The following SDK1 variants were observed in gnomAD, a reference collection of about 807,000 sequenced individuals.
The protein encoded by SDK1 is protein sidekick-1.
In SDK1, 157 loss-of-function variants were observed where a neutral mutation model predicts 245.5. That is an observed-to-expected ratio of 0.64 (90% confidence interval 0.56 to 0.73). SDK1 has a LOEUF of 0.73. SDK1 is among the 30% of genes least tolerant of loss of function. The pLI is 0.00. For synonymous variants in SDK1, 1,647 were observed against 1,278.5 expected, an observed-to-expected ratio of 1.29 and a Z score of -6.15; for missense variants, 3,583 against 3,002.3, an observed-to-expected ratio of 1.19 and a Z score of -4.52.
intron 1 of SDK1, among the ~76,000 whole-genome samples, chr7:3,438,849 A>ATTTTTTT (rs527596036): frequency 1.5e-5 from 2 of 131,200 alleles, no homozygotes; most frequent in African/African-American, 3.1e-5. Context: ...TTGTATTAAT[A>ATTTTTTT]TTTTTTTTTT....
intron 4 of SDK1, among the ~76,000 whole-genome samples, chr7:3,756,524 A>G (rs1779938406): frequency 6.6e-6 from 1 of 150,974 alleles, no homozygotes; most frequent in Admixed American, 6.6e-5. Flanking sequence ...GTGTCATTGC[A>G]TGTGTGTCAA....
At chr7:3,970,560 A>C (rs1782415227) in intron 11 of SDK1, among the ~76,000 whole-genome samples, 1 of 152,230 alleles carries the variant, frequency 6.6e-6, no homozygotes, top group Admixed American at 6.5e-5. Flanking sequence ...CTTGAGCAGT[A>C]GGATATTAAA....
intron 14 of SDK1, among the ~76,000 whole-genome samples, chr7:4,004,603 C>A (rs567721085): frequency 8.5e-4 from 129 of 152,246 alleles, no homozygotes; most frequent in African/African-American, 2.9e-3. Flanking sequence ...TAAATACACA[C>A]AAAAATATAG....
chr7:3,596,934 A>G lies in SDK1; in HGVS notation c.299-22146A>G, dbSNP rs1262460725. 2.0e-5 allele frequency among the ~76,000 whole-genome samples: 3 copies of G among 152,186 alleles called. No homozygotes were observed. In the East Asian group the frequency reaches 5.8e-4, roughly 29 times the overall value. On this transcript the variant is annotated intron_variant, in intron 1 of 44. Coordinates refer to ENST00000404826, the MANE Select transcript of SDK1 (RefSeq NM_152744.4). ...CTTAGCGTCTGCCTTACTTGAACACAGTTTGAACACTGGCCGCCTGTGATT... is the reference window on the plus strand; with the variant it reads ...CTTAGCGTCTGCCTTACTTGAACACGGTTTGAACACTGGCCGCCTGTGATT...
At chr7:3,929,342 T>G (rs573036014) in intron 5 of SDK1, among the ~76,000 whole-genome samples, 7 of 152,388 alleles carry the variant, frequency 4.6e-5, no homozygotes, top group African/African-American at 1.7e-4. Context: ...TGAACACGAT[T>G]GATCTTCATG....
chr7:3,502,259 CAAAGTCTTGCTT>C (rs1176641288), intron 1 of SDK1, among the ~76,000 whole-genome samples: 2 of 151,580 alleles, frequency 1.3e-5, no homozygotes, highest in African/African-American at 4.8e-5. Flanking sequence ...TATTTTTAGA[CAAAGTCTTGCTT>C]AAAGTCTTGC....
chr7:3,451,711 T>A (rs1416374899), intron 1 of SDK1, among the ~76,000 whole-genome samples: 1 of 152,214 alleles, frequency 6.6e-6, no homozygotes, highest in Non-Finnish European at 1.5e-5. Flanking sequence ...AATTAAACAG[T>A]ACTGTCGGCC....
intron 5 of SDK1, among the ~76,000 whole-genome samples, chr7:3,948,137 A>C (rs919674394): frequency 3.9e-5 from 6 of 152,192 alleles, no homozygotes; most frequent in African/African-American, 1.4e-4. Context: ...GTGCAGTCTC[A>C]ACAGAAAATG....
chr7:3,778,892 G>A (rs377037077), intron 4 of SDK1, among the ~76,000 whole-genome samples: 8 of 152,168 alleles, frequency 5.3e-5, no homozygotes, highest in African/African-American at 1.9e-4. Context: ...CTAGCTGGCA[G>A]CACTATAAAG....
At chr7:3,333,283 G>GTT (rs1780116001) in intron 1 of SDK1, among the ~76,000 whole-genome samples, 1 of 152,162 alleles carries the variant, frequency 6.6e-6, no homozygotes, top group Admixed American at 6.5e-5. Flanking sequence ...TGTCTGCAAT[G>GTT]TTTTCTAGAC....
intron 1 of SDK1, among the ~76,000 whole-genome samples, chr7:3,561,429 G>T (rs902985414): frequency 6.6e-6 from 1 of 152,088 alleles, no homozygotes; most frequent in Non-Finnish European, 1.5e-5. Flanking sequence ...TCATAGGTGT[G>T]TTTCTACGTG....
chr7:3,987,139 C>A, intron 13 of SDK1, 47 bp from the exon 14 acceptor site: 9 of 1,606,572 alleles, frequency 5.6e-6, no homozygotes, highest in South Asian at 1.1e-5. Flanking sequence ...ACCATGGATT[C>A]TGACATGTGT....
At chr7:3,483,736 C>A (rs1341078079) in intron 1 of SDK1, among the ~76,000 whole-genome samples, 1 of 151,998 alleles carries the variant, frequency 6.6e-6, no homozygotes, top group Non-Finnish European at 1.5e-5. Flanking sequence ...AATGGGTGTT[C>A]AGTACTATTA....
intron 5 of SDK1, among the ~76,000 whole-genome samples, chr7:3,824,053 A>C (rs1467977854): frequency 1.3e-5 from 2 of 151,730 alleles, no homozygotes; most frequent in African/African-American, 2.4e-5. Flanking sequence ...AATTGTTTTA[A>C]TTGTGCTTCT....
chr7:3,825,394 C>T (rs533573860), intron 5 of SDK1, among the ~76,000 whole-genome samples: 3 of 150,318 alleles, frequency 2.0e-5, no homozygotes, highest in East Asian at 3.9e-4. Flanking sequence ...ATTGTTTATA[C>T]GCCATTGTAC....
chr7:3,340,405 G>C (rs1229734291), intron 1 of SDK1, among the ~76,000 whole-genome samples: 1 of 152,130 alleles, frequency 6.6e-6, no homozygotes, highest in Non-Finnish European at 1.5e-5. Flanking sequence ...TGGAAAAATG[G>C]TGCTGATAGA....
At chr7:4,028,731 C>T (rs1787557877) in intron 17 of SDK1, among the ~76,000 whole-genome samples, 1 of 152,208 alleles carries the variant, frequency 6.6e-6, no homozygotes, top group Non-Finnish European at 1.5e-5. Flanking sequence ...TATCCCTTTT[C>T]TTCTGGTTTT....
At position 3,619,230 on chromosome 7, in the gene SDK1, G is replaced by T. The variant is rs1781861599; in HGVS notation, c.449G>T (p.Ser150Ile). ...GACAGTGAGCTCACCACCTACAGCAGCGAATATAAGTAATTGATCGCTTGA... is the reference window on the plus strand; with the variant it reads ...GACAGTGAGCTCACCACCTACAGCATCGAATATAAGTAATTGATCGCTTGA... ...RDDSELTTYS[S>I]EYKYIIPSLQ... The change falls in exon 2 of 45, where the codon AGC (serine) becomes ATC (isoleucine). Residue 150 changes from serine to isoleucine, a missense_variant. By Grantham distance (142) the Ser-to-Ile change is moderately radical. Transcript: ENST00000404826. The T allele has an allele frequency of 1.9e-6, 3 of 1,606,110 alleles. No individual in the cohort carries two copies. The highest frequency in any genetic ancestry group is 2.6e-6 in the Non-Finnish European group (3 of 1,173,606).
At position 3,442,009 on chromosome 7, in the gene SDK1, C is replaced by A. The variant is rs371210890; in HGVS notation, c.298+140125C>A. 7.2e-5 allele frequency among the ~76,000 whole-genome samples: 11 copies of A among 152,248 alleles called. 1 individual carries two copies. The East Asian group carries it at 1.4e-3, about 19-fold the overall frequency. ...ATCCAGAGCAGCTCTCCACAAGCAT[C>A]CTCACGCCACAGATGCCAGTTGACC... is the stretch of plus-strand genomic sequence containing the variant. On this transcript the variant is annotated intron_variant, in intron 1 of 44. Transcript: ENST00000404826.
Sources: gnomAD v4.1 joint callset for allele counts (sites outside exome capture counted in the v4.1 genomes callset) on GRCh38, gnomAD v4.1.1 for gene constraint, MANE v1.5 for transcripts, NCBI Gene and HGNC (gene_info 2026-07-23, HGNC 2026-07-21) for gene names.